SPOCK1: variants seen among roughly 807,000 people sequenced by gnomAD.
SPOCK1 encodes testican-1.
SPOCK1 carries 23 observed loss-of-function variants against 55.3 expected under a neutral mutation model. The observed-to-expected ratio is 0.42, with a 90% CI of 0.30 to 0.59. The LOEUF (loss-of-function observed/expected upper bound fraction) is 0.59, where lower values mean the gene tolerates loss of function less well. Ranked by LOEUF, SPOCK1 falls within the 20% of genes least tolerant of loss-of-function variation. SPOCK1 has a pLI of 0.22. For synonymous variants in SPOCK1, 226 were observed against 221.0 expected (o/e 1.02, Z -0.20); for missense variants, 499 against 552.5 (o/e 0.90, Z 0.97).
intron 3 of SPOCK1, among the ~76,000 whole-genome samples, chr5:137,189,063 G>A (rs1162957923): frequency 6.6e-6 from 1 of 152,214 alleles, no homozygotes; most frequent in African/African-American, 2.4e-5. Context: ...CAAAAGAAAA[G>A]TTTGAAGCTA....
At chr5:137,457,845 C>T (rs1753398168) in intron 2 of SPOCK1, among the ~76,000 whole-genome samples, 1 of 152,084 alleles carries the variant, frequency 6.6e-6, no homozygotes, top group South Asian at 2.1e-4. Flanking sequence ...AACTCTCCTT[C>T]AGTTTTAAAC....
rs187033124 is a variant in SPOCK1, at chr5:137,308,112, T to C, written c.187-41057A>G. ...TATTATCTCCCCTATTGAACTTTAC[T>C]ACAGAGCAGGAGCAATGTCCTATAG... On this transcript the variant is annotated intron_variant, in intron 2 of 10. Transcript: ENST00000394945. Among the ~76,000 whole-genome samples the C allele has an allele frequency of 3.9e-5, 6 of 152,316 alleles. No individual in the cohort carries two copies. In the East Asian group the frequency reaches 1.2e-3, roughly 29 times the overall value.
At chr5:137,458,861 A>C (rs543822558) in intron 2 of SPOCK1, among the ~76,000 whole-genome samples, 139 of 152,330 alleles carry the variant, frequency 9.1e-4, no homozygotes, top group African/African-American at 3.2e-3. Flanking sequence ...TAAATACTAG[A>C]AGCAACTGTT....
At chr5:137,301,630 C>T (rs946241282) in intron 2 of SPOCK1, among the ~76,000 whole-genome samples, 11 of 120,858 alleles carry the variant, frequency 9.1e-5, no homozygotes, top group African/African-American at 3.3e-4. Flanking sequence ...TTAAGCATTT[C>T]GTCTCCTTTT....
At chr5:137,419,374 C>G (rs1460971704) in intron 2 of SPOCK1, among the ~76,000 whole-genome samples, 9 of 152,154 alleles carry the variant, frequency 5.9e-5, no homozygotes, top group Non-Finnish European at 1.3e-4. Context: ...GGCATTGAAT[C>G]TATAAATTAC....
chr5:137,161,186 A>C (rs1215387639), intron 3 of SPOCK1, among the ~76,000 whole-genome samples: 1 of 150,152 alleles, frequency 6.7e-6, no homozygotes, highest in African/African-American at 2.4e-5. Context: ...GAGAATGGAT[A>C]ATTTGGAGGT....
At chr5:137,011,103 C>T (rs1037272501) in intron 6 of SPOCK1, among the ~76,000 whole-genome samples, 1 of 152,092 alleles carries the variant, frequency 6.6e-6, no homozygotes. Context: ...CAGCCAATAG[C>T]GCAGGCAGGA....
chr5:137,470,984 C>A (rs1753728004), intron 2 of SPOCK1, among the ~76,000 whole-genome samples: 1 of 152,148 alleles, frequency 6.6e-6, no homozygotes, highest in African/African-American at 2.4e-5. Flanking sequence ...GAAAACAGTT[C>A]TTTTTCATAG....
rs1752786191 is a variant in SPOCK1, at chr5:137,433,191, G to A, written c.186+65182C>T. 2.0e-5 allele frequency among the ~76,000 whole-genome samples: 3 copies of A among 152,146 alleles called. No homozygotes were observed. In the South Asian group the frequency reaches 6.2e-4, roughly 32 times the overall value. On this transcript the variant is annotated intron_variant, in intron 2 of 10. Transcript: ENST00000394945. ...CCAAAGAAGAGACGGAAATGGAGCT[G>A]GACTTGAAAAACCAGAACCTTTATT...
At chr5:136,987,729 G>C (rs1348781089) in intron 8 of SPOCK1, among the ~76,000 whole-genome samples, 2 of 151,720 alleles carry the variant, frequency 1.3e-5, no homozygotes, top group Non-Finnish European at 2.9e-5. Context: ...GCCTGTAGTT[G>C]TATGTTCTCC....
intron 2 of SPOCK1, among the ~76,000 whole-genome samples, chr5:137,325,691 G>T (rs1002836015): frequency 1.3e-5 from 2 of 152,180 alleles, no homozygotes; most frequent in Non-Finnish European, 2.9e-5. Context: ...TCTCATTTGT[G>T]GGGGAGATGG....
chr5:137,231,040 G>A (rs1580819080), intron 3 of SPOCK1, among the ~76,000 whole-genome samples: 1 of 119,442 alleles, frequency 8.4e-6, no homozygotes, highest in Admixed American at 9.2e-5. Context: ...GATCCCTGGT[G>A]TTACCCCCTT....
chr5:137,168,833 C>G (rs1428481329), intron 3 of SPOCK1, among the ~76,000 whole-genome samples: 2 of 152,112 alleles, frequency 1.3e-5, no homozygotes, highest in African/African-American at 4.8e-5. Context: ...ACACTATTAT[C>G]CAGCAATTCT....
chr5:137,173,956 G>C (rs1009252102), intron 3 of SPOCK1, among the ~76,000 whole-genome samples: 1 of 152,206 alleles, frequency 6.6e-6, no homozygotes, highest in African/African-American at 2.4e-5. Flanking sequence ...TAATAAAAGG[G>C]ATAGAGGTCC....
intron 3 of SPOCK1, among the ~76,000 whole-genome samples, chr5:137,174,871 G>A (rs981051197): frequency 1.3e-5 from 2 of 152,060 alleles, no homozygotes; most frequent in Non-Finnish European, 2.9e-5. Context: ...AAGAGCGATG[G>A]CATAAAGGCA....
chr5:137,082,475 G>C (rs1009482161), intron 5 of SPOCK1, among the ~76,000 whole-genome samples: 4 of 152,184 alleles, frequency 2.6e-5, no homozygotes, highest in Non-Finnish European at 5.9e-5. Context: ...GCAGTCAAGA[G>C]GGGTGAGAAC....
chr5:137,348,171 G>A (rs2698233), intron 2 of SPOCK1, among the ~76,000 whole-genome samples: 7 of 152,004 alleles, frequency 4.6e-5, no homozygotes, highest in East Asian at 3.9e-4. Context: ...AAGTAAGTTC[G>A]TATAGAATGA....
chr5:137,184,584 A>T (rs1466529827), intron 3 of SPOCK1, among the ~76,000 whole-genome samples: 2 of 152,172 alleles, frequency 1.3e-5, no homozygotes, highest in African/African-American at 4.8e-5. Context: ...ACCCATGTCC[A>T]TGAGTCGATG....
intron 2 of SPOCK1, among the ~76,000 whole-genome samples, chr5:137,463,740 G>A (rs1371117254): frequency 6.7e-6 from 1 of 150,166 alleles, no homozygotes; most frequent in Non-Finnish European, 1.5e-5. Context: ...ACAAGGTCAG[G>A]AGTTTAAGAC....
Sources: allele counts gnomAD v4.1 joint callset (sites outside exome capture counted in the v4.1 genomes callset), GRCh38; gene constraint gnomAD v4.1.1; transcripts MANE v1.5; gene names NCBI Gene and HGNC (gene_info 2026-07-23, HGNC 2026-07-21).